Variants in PRKAA2 observed in about 807,000 individuals in gnomAD.
The protein encoded by PRKAA2 is protein kinase AMP-activated catalytic subunit alpha 2.
Under a neutral mutation model 56.3 loss-of-function variants are expected in PRKAA2, and 40 were observed. The ratio of observed to expected loss-of-function variants is 0.71; its 90% confidence interval spans 0.55 to 0.92. PRKAA2 has a LOEUF of 0.92. Ranked by LOEUF, PRKAA2 falls within the 40% of genes least tolerant of loss-of-function variation. The pLI is 0.00. For missense variants in PRKAA2, 542 were observed against 686.9 expected, an observed-to-expected ratio of 0.79 and a Z score of 2.36; for synonymous variants, 214 against 234.2, an observed-to-expected ratio of 0.91 and a Z score of 0.79.
chr1:56,710,810 C>T lies in PRKAA2; in HGVS notation c.*3097C>T, dbSNP rs2100445325. 6.6e-6 allele frequency: 1 copy of T among 152,190 alleles called. No homozygotes were observed. The highest frequency in any genetic ancestry group is 1.9e-4 in the East Asian group (1 of 5,172). 9.4% of individuals were successfully genotyped at this position (152,190 alleles called of 1,614,324 possible). A position where few individuals can be genotyped will look rare whatever the true frequency, so the allele number is the denominator to read the frequency against. On this transcript the variant is annotated 3_prime_UTR_variant, in exon 9 of 9. Transcript: ENST00000371244. ...ACTTGTTAAAAAAAAGTCTAAGAGA[C>T]TAATGACTCATGCTTATGGCTCAGT...
chr1:56,676,660 A>G (rs922098637), intron 2 of PRKAA2, among the ~76,000 whole-genome samples: 7 of 152,188 alleles, frequency 4.6e-5, no homozygotes, highest in African/African-American at 1.7e-4. Flanking sequence ...TGAAATCCTT[A>G]AATAAATGGC....
At chr1:56,669,530 T>A (rs1006736289) in intron 1 of PRKAA2, among the ~76,000 whole-genome samples, 1 of 151,530 alleles carries the variant, frequency 6.6e-6, no homozygotes, top group Admixed American at 6.6e-5. Flanking sequence ...TCTACCATGG[T>A]CACTCACCTA....
intron 6 of PRKAA2, among the ~76,000 whole-genome samples, chr1:56,702,584 T>C (rs1569793588): frequency 6.6e-6 from 1 of 152,326 alleles, no homozygotes; most frequent in Non-Finnish European, 1.5e-5. Flanking sequence ...TCATAACTCA[T>C]TCTTCTTTCA....
At chr1:56,683,491 A>G (rs779118833) in intron 2 of PRKAA2, among the ~76,000 whole-genome samples, 5 of 152,142 alleles carry the variant, frequency 3.3e-5, no homozygotes, top group Non-Finnish European at 7.4e-5. Flanking sequence ...TAAAGCCAGA[A>G]AGGCAGGTTG....
At chr1:56,683,194 A>G (rs1264133179) in intron 2 of PRKAA2, among the ~76,000 whole-genome samples, 2 of 150,976 alleles carry the variant, frequency 1.3e-5, no homozygotes, top group South Asian at 2.1e-4. Flanking sequence ...GAAAAGAAAC[A>G]TTAGAGAGAT....
At chr1:56,657,005 T>C (rs950787003) in intron 1 of PRKAA2, among the ~76,000 whole-genome samples, 1 of 152,168 alleles carries the variant, frequency 6.6e-6, no homozygotes, top group African/African-American at 2.4e-5. Flanking sequence ...TGGCAGAAAG[T>C]ATTCTAAAAC....
Position 56,696,007 on chromosome 1 carries a change from C to G in PRKAA2, c.636C>G (p.Leu212=). 1 of 1,611,704 alleles carries G rather than the reference C, an allele frequency of 6.2e-7. No homozygotes were observed. Residue 212 remains leucine, a synonymous_variant, in exon 6 of 9, where the codon CTC becomes CTG. Transcript: ENST00000371244. ...VILYALLCGT[L]PFDDEHVPTL... ...TGTATGCTCTTCTTTGTGGCACCCT[C>G]CCATTTGATGATGAGCATGTACCTA...
rs561125944 is a variant in PRKAA2 at position 56,711,327 on chromosome 1, G to T, written c.*3614G>T. The T allele has an allele frequency of 5.3e-5, 8 of 152,200 alleles. No homozygotes were observed. The highest frequency in any genetic ancestry group is 1.9e-4 in the African/African-American group (8 of 41,558). The allele number at this position is 152,200 out of a possible 1,614,324, so 9.4% of individuals were successfully genotyped here. ...GAAAAAATCATAAGCAACTATTGTA[G>T]ATTTTTGATCTGTTTGGATTTATCT... is the stretch of plus-strand genomic sequence containing the variant. On this transcript the variant is annotated 3_prime_UTR_variant, in exon 9 of 9. Coordinates refer to ENST00000371244, the MANE Select transcript of PRKAA2 (RefSeq NM_006252.4).
chr1:56,655,648 A>G (rs925172694), intron 1 of PRKAA2, among the ~76,000 whole-genome samples: 2 of 152,012 alleles, frequency 1.3e-5, no homozygotes, highest in Admixed American at 1.3e-4. Flanking sequence ...AACATTGGAG[A>G]TTAAATTTCA....
intron 6 of PRKAA2, among the ~76,000 whole-genome samples, chr1:56,698,332 G>A (rs945619965): frequency 2.6e-5 from 4 of 152,064 alleles, no homozygotes; most frequent in African/African-American, 4.8e-5. Context: ...TTATGTTATT[G>A]CATTGACTTT....
chr1:56,666,279 C>G (rs896715573), intron 1 of PRKAA2, among the ~76,000 whole-genome samples: 11 of 152,140 alleles, frequency 7.2e-5, no homozygotes, highest in African/African-American at 2.7e-4. Context: ...AGACCCTGTT[C>G]TGAAGGAGCT....
At chr1:56,688,321 A>G (rs1644205786) in intron 2 of PRKAA2, among the ~76,000 whole-genome samples, 1 of 152,168 alleles carries the variant, frequency 6.6e-6, no homozygotes. Flanking sequence ...GGCTCTAAGC[A>G]CTCACGTTAT....
intron 6 of PRKAA2, among the ~76,000 whole-genome samples, chr1:56,702,443 T>A (rs1203671719): frequency 6.6e-6 from 1 of 152,216 alleles, no homozygotes; most frequent in Non-Finnish European, 1.5e-5. Context: ...TACAGAATGA[T>A]AACTAGGTTA....
Position 56,668,996 on chromosome 1 carries a change from C to A in PRKAA2, c.95-5385C>A, listed in dbSNP as rs1159315219. 3.3e-5 allele frequency among the ~76,000 whole-genome samples: 5 copies of A among 152,126 alleles called. No homozygotes were observed. In the East Asian group the frequency reaches 7.7e-4, roughly 23 times the overall value. ...GCAGGAGTGGCTTAAAAGCTTTATA[C>A]CCTTCAATGTGGAATGATCCTCAGG... On this transcript the variant is annotated intron_variant, in intron 1 of 8. Coordinates refer to ENST00000371244, the MANE Select transcript of PRKAA2 (RefSeq NM_006252.4).
chr1:56,676,601 ACT>A (rs1244493125), intron 2 of PRKAA2, among the ~76,000 whole-genome samples: 1 of 152,206 alleles, frequency 6.6e-6, no homozygotes. Flanking sequence ...GTTTTAAGCC[ACT>A]GAGTTTGAAG....
intron 1 of PRKAA2, among the ~76,000 whole-genome samples, chr1:56,650,768 G>A (rs1315385350): frequency 7.2e-5 from 11 of 152,130 alleles, no homozygotes; most frequent in South Asian, 2.1e-4. Flanking sequence ...AAAGTCTCAC[G>A]AAGAAGTTAC....
At chr1:56,699,022 T>G (rs1286981461) in intron 6 of PRKAA2, among the ~76,000 whole-genome samples, 2 of 152,180 alleles carry the variant, frequency 1.3e-5, no homozygotes, top group Non-Finnish European at 2.9e-5. Context: ...GTTTATTAGC[T>G]ATGTGCAACT....
intron 1 of PRKAA2, among the ~76,000 whole-genome samples, chr1:56,673,251 T>C (rs79764517): frequency 0.014 from 2,190 of 151,850 alleles, 55 homozygotes; most frequent in African/African-American, 0.05. Context: ...GGCACATTCT[T>C]GTAGTGCCAG....
chr1:56,649,203 A>G (rs1049421843), intron 1 of PRKAA2, among the ~76,000 whole-genome samples: 3 of 152,178 alleles, frequency 2.0e-5, no homozygotes, highest in Non-Finnish European at 2.9e-5. Flanking sequence ...ATGTTTAACT[A>G]TGTGATCTAT....
Sources: allele counts gnomAD v4.1 joint callset (sites outside exome capture counted in the v4.1 genomes callset), GRCh38; gene constraint gnomAD v4.1.1; transcripts MANE v1.5; gene names NCBI Gene and HGNC (gene_info 2026-07-23, HGNC 2026-07-21).